Variants in PDZRN3 observed in about 807,000 individuals in gnomAD.
The protein encoded by PDZRN3 is PDZ domain containing ring finger 3.
A neutral mutation model predicts 85.7 loss-of-function variants in PDZRN3; 38 were observed. That is an observed-to-expected ratio of 0.44 (90% CI 0.34 to 0.58). The LOEUF is 0.58. PDZRN3 is among the 20% of genes least tolerant of loss of function. The probability of loss-of-function intolerance (pLI) is 0.01; values close to 1 mark genes in which losing one functional copy is unlikely to be tolerated. For synonymous variants in PDZRN3, 759 were observed against 638.0 expected (o/e 1.19, Z -2.86); for missense variants, 1,629 against 1,506.4 (o/e 1.08, Z -1.35).
At chr3:73,402,078 C>T (rs1441669517) in intron 4 of PDZRN3, among the ~76,000 whole-genome samples, 1 of 152,194 alleles carries the variant, frequency 6.6e-6, no homozygotes. Context: ...TTAACATTCC[C>T]CATTCAGTCC....
chr3:73,570,989 T>C (rs555645721), intron 3 of PDZRN3, among the ~76,000 whole-genome samples: 16 of 152,330 alleles, frequency 1.1e-4, no homozygotes, highest in Non-Finnish European at 1.9e-4. Flanking sequence ...AAGAGAAAGA[T>C]TGTGATTTTT....
chr3:73,591,608 G>A (rs935990169), intron 3 of PDZRN3, among the ~76,000 whole-genome samples: 2 of 152,130 alleles, frequency 1.3e-5, no homozygotes, highest in African/African-American at 4.8e-5. Context: ...AAGACCCACA[G>A]GAAACAACAC....
chr3:73,418,568 T>A (rs572129562), intron 3 of PDZRN3, among the ~76,000 whole-genome samples: 20 of 152,278 alleles, frequency 1.3e-4, no homozygotes, highest in Middle Eastern at 3.4e-3. Flanking sequence ...TCACTCCCCA[T>A]CTGGTCTTCT....
intron 3 of PDZRN3, among the ~76,000 whole-genome samples, chr3:73,523,096 C>T (rs535940031): frequency 6.6e-6 from 1 of 152,272 alleles, no homozygotes; most frequent in East Asian, 1.9e-4. Context: ...AGTCTTGGCT[C>T]ACTGCAACCT....
At chr3:73,520,923 A>C (rs1288358688) in intron 3 of PDZRN3, among the ~76,000 whole-genome samples, 7 of 152,216 alleles carry the variant, frequency 4.6e-5, no homozygotes, top group African/African-American at 1.7e-4. Context: ...TAAACACTGG[A>C]AAATCAGTGG....
intron 3 of PDZRN3, among the ~76,000 whole-genome samples, chr3:73,563,144 G>A (rs1395206606): frequency 3.4e-5 from 5 of 147,256 alleles, no homozygotes; most frequent in Non-Finnish European, 6.0e-5. Context: ...TCAGCCTCCC[G>A]AGTAGCTGGG....
At chr3:73,413,054 T>C (rs1702004493) in intron 3 of PDZRN3, among the ~76,000 whole-genome samples, 1 of 152,224 alleles carries the variant, frequency 6.6e-6, no homozygotes, top group Admixed American at 6.5e-5. Context: ...TCATAGGTGA[T>C]ACCTGAATGA....
intron 3 of PDZRN3, among the ~76,000 whole-genome samples, chr3:73,467,196 T>G (rs911693145): frequency 1.3e-5 from 2 of 152,192 alleles, no homozygotes; most frequent in Non-Finnish European, 2.9e-5. Flanking sequence ...CACCATGTAC[T>G]CGCAGTAAAG....
intron 3 of PDZRN3, among the ~76,000 whole-genome samples, chr3:73,450,588 A>G (rs931735028): frequency 3.3e-5 from 5 of 152,250 alleles, no homozygotes; most frequent in Non-Finnish European, 7.3e-5. Context: ...CCCACTTGTA[A>G]TAAATACATA....
chr3:73,527,781 AAAG>A (rs774150247), intron 3 of PDZRN3, among the ~76,000 whole-genome samples: 3 of 152,156 alleles, frequency 2.0e-5, no homozygotes, highest in Admixed American at 1.3e-4. Flanking sequence ...GGCATTGTTG[AAAG>A]AAGGACAAGA....
intron 3 of PDZRN3, chr3:73,594,099 G>GA (rs1224012909): frequency 6.6e-6 from 1 of 151,934 alleles, no homozygotes; most frequent in Non-Finnish European, 1.5e-5. Context: ...GTTTTGATAG[G>GA]AAAATAAGGA....
chr3:73,424,046 C>A (rs114053685), intron 3 of PDZRN3, among the ~76,000 whole-genome samples: 1,638 of 151,964 alleles, frequency 0.011, 31 homozygotes, highest in African/African-American at 0.038. Context: ...TAACATCTTA[C>A]CATATATAAA....
Position 73,511,502 on chromosome 3 carries a change from GGCAA to G in PDZRN3, c.918+90848_918+90851del, listed in dbSNP as rs1704164154. On this transcript the variant is annotated intron_variant, in intron 3 of 9. Transcript: ENST00000263666. ...TTGTGCATTTGGACATTCTTTGTGG[GGCAA>G]GCTTTTCCCTTCTTATTTTCTGACT... Among the ~76,000 whole-genome samples, 3 of 152,132 alleles carry G rather than the reference GGCAA, an allele frequency of 2.0e-5. No homozygotes were observed. The South Asian group carries it at 6.2e-4, about 32-fold the overall frequency.
chr3:73,456,215 TGC>T (rs1019107538), intron 3 of PDZRN3, among the ~76,000 whole-genome samples: 5 of 148,994 alleles, frequency 3.4e-5, no homozygotes, highest in African/African-American at 1.2e-4. Context: ...TGTGTGTGTG[TGC>T]GCGCGTGCGC....
intron 3 of PDZRN3, among the ~76,000 whole-genome samples, chr3:73,507,926 C>G (rs900882034): frequency 6.6e-6 from 1 of 152,082 alleles, no homozygotes; most frequent in Non-Finnish European, 1.5e-5. Flanking sequence ...AACCCCGTTT[C>G]TACTAAAAAT....
intron 3 of PDZRN3, among the ~76,000 whole-genome samples, chr3:73,456,587 T>C (rs1702982299): frequency 6.6e-6 from 1 of 152,190 alleles, no homozygotes; most frequent in Non-Finnish European, 1.5e-5. Flanking sequence ...ATGTTCACAG[T>C]TTTTCCCCTG....
chr3:73,600,337 A>T (rs9859299), intron 3 of PDZRN3, among the ~76,000 whole-genome samples: 9,844 of 99,922 alleles, frequency 0.099, 702 homozygotes, highest in East Asian at 0.28. Flanking sequence ...ACACACACAC[A>T]CTCTCTCTCT....
At chr3:73,589,139 C>T (rs1702318949) in intron 3 of PDZRN3, among the ~76,000 whole-genome samples, 1 of 151,828 alleles carries the variant, frequency 6.6e-6, no homozygotes, top group East Asian at 1.9e-4. Context: ...GCTCCGCCTC[C>T]TGGGTTCACG....
rs890960903 is a variant in PDZRN3, at chr3:73,383,197, C to T, written c.*168G>A. 2.4e-5 allele frequency: 14 copies of T among 576,086 alleles called. No homozygotes were observed. Among genetic ancestry groups the T allele is most frequent in the Non-Finnish European group, 3.3e-5 (11 of 334,472 alleles). The allele number at this position is 576,086 out of a possible 1,614,324, so 35.7% of individuals were successfully genotyped here. A position where few individuals can be genotyped will look rare whatever the true frequency, so the allele number is the denominator to read the frequency against. Reference sequence around the variant, plus strand: ...TAGTAAGGGTGTTTTTCTCTCTCTTCCCTTAAAATAGACCTATGACACCCA... The same window carrying T: ...TAGTAAGGGTGTTTTTCTCTCTCTTTCCTTAAAATAGACCTATGACACCCA... On this transcript the variant is annotated 3_prime_UTR_variant, in exon 10 of 10. Coordinates refer to ENST00000263666, the MANE Select transcript of PDZRN3 (RefSeq NM_015009.3).
Sources: gnomAD v4.1 joint callset for allele counts (sites outside exome capture counted in the v4.1 genomes callset) on GRCh38, gnomAD v4.1.1 for gene constraint, MANE v1.5 for transcripts, NCBI Gene and HGNC (gene_info 2026-07-23, HGNC 2026-07-21) for gene names.